The following ROBO1 variants were observed in gnomAD, a reference collection of about 807,000 sequenced individuals.
ROBO1 encodes roundabout guidance receptor 1, also known as roundabout homolog 1.
ROBO1 carries 149 observed loss-of-function variants against 195.9 expected under a neutral mutation model. The ratio of observed to expected loss-of-function variants is 0.76; its 90% CI spans 0.67 to 0.87. The LOEUF is 0.87. ROBO1 is among the 40% of genes least tolerant of loss of function. The pLI is 0.00. For synonymous variants in ROBO1, 816 were observed against 733.2 expected (o/e 1.11, Z -1.82); for missense variants, 1,933 against 2,068.3 (o/e 0.93, Z 1.27).
intron 2 of ROBO1, among the ~76,000 whole-genome samples, chr3:79,366,375 C>A (rs1028879094): frequency 6.6e-6 from 1 of 152,094 alleles, no homozygotes; most frequent in Non-Finnish European, 1.5e-5. Context: ...TGACTTCATT[C>A]TTCTGATTCA....
chr3:79,428,374 C>T (rs1230584164), intron 2 of ROBO1, among the ~76,000 whole-genome samples: 2 of 152,010 alleles, frequency 1.3e-5, no homozygotes, highest in African/African-American at 4.8e-5. Flanking sequence ...TTTGATAATA[C>T]AATAAATTAA....
intron 3 of ROBO1, among the ~76,000 whole-genome samples, chr3:79,043,986 A>T (rs2078538605): frequency 6.6e-6 from 1 of 152,120 alleles, no homozygotes; most frequent in Admixed American, 6.6e-5. Flanking sequence ...CTGCATTAAA[A>T]TTTACCTTGA....
intron 2 of ROBO1, among the ~76,000 whole-genome samples, chr3:79,344,798 G>A (rs1264109092): frequency 3.3e-5 from 5 of 152,030 alleles, no homozygotes; most frequent in East Asian, 3.9e-4. Context: ...TAATCCCCAC[G>A]TGTCAAGGGA....
chr3:79,512,987 C>G (rs1940783428), intron 2 of ROBO1: 1 of 152,102 alleles, frequency 6.6e-6, no homozygotes, highest in Non-Finnish European at 1.5e-5. Flanking sequence ...CAATCCTAAC[C>G]TGACCTTCAC....
rs115554870 is a variant in ROBO1 at position 79,422,721 on chromosome 3, G to A, written c.88+167103C>T. ...GCAATTTACTTGAGTTTTAACAGAT[G>A]TCATACCTAAGTTCTCAAACTGTTA... On this transcript the variant is annotated intron_variant, in intron 2 of 30. Transcript: ENST00000464233. 4.6e-3 allele frequency among the ~76,000 whole-genome samples: 696 copies of A among 152,214 alleles called. 2 individuals are homozygous for A. Among genetic ancestry groups the A allele is most frequent in the African/African-American group, 0.014 (580 of 41,554 alleles).
At chr3:79,505,213 ATAT>A (rs1940324370) in intron 2 of ROBO1, among the ~76,000 whole-genome samples, 1 of 129,988 alleles carries the variant, frequency 7.7e-6, no homozygotes, top group African/African-American at 3.5e-5. Context: ...TTCTTTCTAT[ATAT>A]TTTTTTTTTC....
intron 2 of ROBO1, among the ~76,000 whole-genome samples, chr3:79,239,687 A>G (rs2082476325): frequency 6.6e-6 from 1 of 152,186 alleles, no homozygotes; most frequent in African/African-American, 2.4e-5. Flanking sequence ...CACTCTCTGA[A>G]TAACTATGTA....
At chr3:78,881,474 C>T (rs1453514722) in intron 4 of ROBO1, among the ~76,000 whole-genome samples, 1 of 152,184 alleles carries the variant, frequency 6.6e-6, no homozygotes, top group Non-Finnish European at 1.5e-5. Flanking sequence ...ACAAAAATTG[C>T]AAACAGCAAC....
chr3:78,780,059 A>T (rs561006259), intron 4 of ROBO1, among the ~76,000 whole-genome samples: 49 of 152,202 alleles, frequency 3.2e-4, no homozygotes, highest in African/African-American at 1.1e-3. Context: ...TTACAATGAG[A>T]ACACATGGAC....
intron 2 of ROBO1, among the ~76,000 whole-genome samples, chr3:79,325,816 C>T (rs970570799): frequency 2.6e-5 from 4 of 152,132 alleles, no homozygotes; most frequent in Non-Finnish European, 5.9e-5. Context: ...AGGATAACAG[C>T]AATGTTTAGG....
intron 3 of ROBO1, among the ~76,000 whole-genome samples, chr3:79,047,517 C>G (rs1196166304): frequency 6.6e-6 from 1 of 152,100 alleles, no homozygotes; most frequent in Admixed American, 6.6e-5. Context: ...AAGGGCAGGA[C>G]TGTCATCTTT....
chr3:78,740,450 TTTTC>T (rs150036229), intron 5 of ROBO1, among the ~76,000 whole-genome samples: 34,309 of 102,730 alleles, frequency 0.33, 3,964 homozygotes, highest in East Asian at 0.56. Context: ...ATTTTTCTTT[TTTTC>T]TTTCTTTCTT....
In ROBO1 at chr3:79,583,692, T is replaced by C. The variant is rs936350689; in HGVS notation, c.88+6132A>G. Among the ~76,000 whole-genome samples, 4 of 151,550 alleles carry C rather than the reference T, an allele frequency of 2.6e-5. No homozygotes were observed. In the East Asian group the frequency reaches 5.8e-4, roughly 22 times the overall value. On this transcript the variant is annotated intron_variant, in intron 2 of 30. Transcript: ENST00000464233. ...ATTTGGTATCATTAATCTACTAGTG[T>C]TTTTTTTAAAGATATCCACATTAGC... is the stretch of plus-strand genomic sequence containing the variant.
intron 2 of ROBO1, among the ~76,000 whole-genome samples, chr3:79,215,087 T>A (rs1189098136): frequency 1.3e-5 from 2 of 152,018 alleles, no homozygotes; most frequent in Non-Finnish European, 2.9e-5. Flanking sequence ...CCTGACCAGG[T>A]ATCTGGACCA....
chr3:78,942,842 A>G (rs1457809543), intron 3 of ROBO1, among the ~76,000 whole-genome samples: 1 of 152,136 alleles, frequency 6.6e-6, no homozygotes, highest in East Asian at 1.9e-4. Context: ...ATGAGGCTGC[A>G]GTGTGCTATG....
intron 26 of ROBO1, among the ~76,000 whole-genome samples, chr3:78,625,953 A>G (rs1381046891): frequency 2.0e-5 from 3 of 152,084 alleles, no homozygotes; most frequent in African/African-American, 7.2e-5. Context: ...CAAGAAGAGA[A>G]GGAGAACTGA....
At chr3:78,803,189 C>G (rs2084421148) in intron 4 of ROBO1, among the ~76,000 whole-genome samples, 1 of 152,160 alleles carries the variant, frequency 6.6e-6, no homozygotes, top group African/African-American at 2.4e-5. Flanking sequence ...CCTGCCTGAT[C>G]TTAAGCTTCT....
At chr3:79,711,499 T>G (rs1702275036) in intron 1 of ROBO1, among the ~76,000 whole-genome samples, 1 of 152,144 alleles carries the variant, frequency 6.6e-6, no homozygotes, top group Non-Finnish European at 1.5e-5. Context: ...GTAATTATAG[T>G]TTAGAAAAGA....
intron 2 of ROBO1, among the ~76,000 whole-genome samples, chr3:79,167,939 G>T (rs2081097837): frequency 6.6e-6 from 1 of 152,198 alleles, no homozygotes; most frequent in African/African-American, 2.4e-5. Flanking sequence ...TGCATGGGAA[G>T]AATTTAGAAT....
Sources: gnomAD v4.1 joint callset for allele counts (sites outside exome capture counted in the v4.1 genomes callset) on GRCh38, gnomAD v4.1.1 for gene constraint, MANE v1.5 for transcripts, NCBI Gene and HGNC (gene_info 2026-07-23, HGNC 2026-07-21) for gene names.